KLHL20: variants seen among roughly 807,000 people sequenced by gnomAD.
KLHL20 encodes the protein kelch like family member 20, also known as kelch-like protein 20.
In KLHL20, 29 loss-of-function variants were observed where a neutral mutation model predicts 69.5. The ratio of observed to expected loss-of-function variants is 0.42; its 90% CI spans 0.31 to 0.57. The LOEUF (loss-of-function observed/expected upper bound fraction) is 0.57. Among genes scored for constraint, KLHL20 ranks in the 20% least tolerant of loss-of-function variants. The pLI is 0.18. For synonymous variants in KLHL20, 253 were observed against 265.2 expected (o/e 0.95, Z 0.45); for missense variants, 419 against 776.0 (o/e 0.54, Z 5.47).
At chr1:173,752,154 T>A (rs562442679) in intron 4 of KLHL20, among the ~76,000 whole-genome samples, 1 of 150,706 alleles carries the variant, frequency 6.6e-6, no homozygotes, top group African/African-American at 2.4e-5. Context: ...GAGAATCACT[T>A]GAAACCAGGA....
chr1:173,753,172 A>C, intron 4 of KLHL20, 41 bp from the exon 5 acceptor site: 1 of 1,519,632 alleles, frequency 6.6e-7, no homozygotes, highest in Non-Finnish European at 9.1e-7. Context: ...GACCTATCTC[A>C]AAATTAATTA....
At chr1:173,736,307 C>T (rs1014250660) in intron 3 of KLHL20, among the ~76,000 whole-genome samples, 1 of 151,882 alleles carries the variant, frequency 6.6e-6, no homozygotes, top group African/African-American at 2.4e-5. Context: ...ATATACATAC[C>T]ACATTTTCTT....
rs1671402515 is a variant in KLHL20, at chr1:173,715,030, G to A, written c.-90G>A. 2 of 153,024 alleles carry A rather than the reference G, an allele frequency of 1.3e-5. No homozygotes were observed. Among genetic ancestry groups the A allele is most frequent in the Non-Finnish European group, 2.9e-5 (2 of 68,686 alleles). The allele number at this position is 153,024 out of a possible 1,614,324, so 9.5% of individuals were successfully genotyped here. On this transcript the variant is annotated 5_prime_UTR_variant, in exon 1 of 12. Transcript: ENST00000209884. ...GAGGAGGAGGCAGAGAGGAGTGGAG[G>A]GCGGAGTAGACGGAGGAGGCTGCTG...
At chr1:173,718,463 T>G (rs1011839474) in intron 2 of KLHL20, among the ~76,000 whole-genome samples, 3 of 151,538 alleles carry the variant, frequency 2.0e-5, no homozygotes, top group Admixed American at 1.3e-4. Flanking sequence ...GAGGATCACT[T>G]GAGTCTGGGA....
intron 7 of KLHL20, among the ~76,000 whole-genome samples, chr1:173,765,516 AT>A (rs1332489630): frequency 6.6e-6 from 1 of 152,020 alleles, no homozygotes; most frequent in Admixed American, 6.5e-5. Context: ...AAAAAAAAAA[AT>A]TAAGCATACT....
intron 3 of KLHL20, among the ~76,000 whole-genome samples, chr1:173,746,162 T>C (rs1353253046): frequency 6.6e-6 from 1 of 152,196 alleles, no homozygotes; most frequent in Admixed American, 6.5e-5. Context: ...CATACACCTT[T>C]TGATTATGGT....
rs770721294 is a variant in KLHL20 at position 173,785,984 on chromosome 1, TAA to T, written c.*738_*739del. 5.3e-5 allele frequency: 8 copies of T among 152,198 alleles called. No individual in the cohort carries two copies. The highest frequency in any genetic ancestry group is 1.9e-4 in the African/African-American group (8 of 41,452). 9.4% of individuals were successfully genotyped at this position (152,198 alleles called of 1,614,324 possible). ...CAGTGCCTCTTATAAAAACAATATA[TAA>T]GTCTCATATGCTGTCTTGAGAATCC... On this transcript the variant is annotated 3_prime_UTR_variant, in exon 12 of 12. Transcript: ENST00000209884.
chr1:173,745,000 T>C (rs1338291147), intron 3 of KLHL20, among the ~76,000 whole-genome samples: 1 of 152,080 alleles, frequency 6.6e-6, no homozygotes, highest in African/African-American at 2.4e-5. Flanking sequence ...AATAACTTGT[T>C]GGCATATTTA....
At chr1:173,760,092 A>C (rs545269898) in intron 7 of KLHL20, among the ~76,000 whole-genome samples, 1 of 152,296 alleles carries the variant, frequency 6.6e-6, no homozygotes, top group South Asian at 2.1e-4. Context: ...AGTCTCAGTA[A>C]TAGATATGAA....
chr1:173,759,094 C>T (rs1459014332), intron 7 of KLHL20, among the ~76,000 whole-genome samples: 1 of 152,070 alleles, frequency 6.6e-6, no homozygotes, highest in Non-Finnish European at 1.5e-5. Context: ...CTGAGTGAGG[C>T]CTGTGACTGC....
intron 10 of KLHL20, among the ~76,000 whole-genome samples, chr1:173,778,337 G>A (rs1257506663): frequency 2.0e-5 from 3 of 146,792 alleles, no homozygotes; most frequent in African/African-American, 7.6e-5. Flanking sequence ...TTACTTTTTT[G>A]TTTTGTTTTG....
intron 11 of KLHL20, among the ~76,000 whole-genome samples, chr1:173,784,193 C>G (rs554942538): frequency 6.6e-6 from 1 of 152,112 alleles, no homozygotes; most frequent in Non-Finnish European, 1.5e-5. Flanking sequence ...AATATCAAAG[C>G]AGGGGAGGGG....
intron 8 of KLHL20, among the ~76,000 whole-genome samples, chr1:173,771,100 C>T (rs1226789237): frequency 6.6e-6 from 1 of 152,134 alleles, no homozygotes; most frequent in South Asian, 2.1e-4. Context: ...TCAAGAAAAA[C>T]GTGAGCCAAG....
chr1:173,720,454 G>A (rs555385915), intron 2 of KLHL20, among the ~76,000 whole-genome samples: 2 of 152,198 alleles, frequency 1.3e-5, no homozygotes, highest in Admixed American at 1.3e-4. Flanking sequence ...TGGAAATTGA[G>A]GCTACAACAG....
chr1:173,782,523 A>T (rs1186476308), intron 11 of KLHL20, among the ~76,000 whole-genome samples: 1 of 152,200 alleles, frequency 6.6e-6, no homozygotes, highest in African/African-American at 2.4e-5. Context: ...AGCACCGAGA[A>T]ATAAAATGAC....
At chr1:173,725,213 C>T (rs903794265) in intron 2 of KLHL20, among the ~76,000 whole-genome samples, 8 of 152,190 alleles carry the variant, frequency 5.3e-5, no homozygotes, top group African/African-American at 1.9e-4. Flanking sequence ...AAACTCTTCC[C>T]TCTCCTTGCC....
chr1:173,735,722 C>G (rs1490746148), intron 3 of KLHL20, among the ~76,000 whole-genome samples: 1 of 151,934 alleles, frequency 6.6e-6, no homozygotes, highest in African/African-American at 2.4e-5. Flanking sequence ...TACACCGTAC[C>G]CAATGTGTAG....
At chr1:173,780,436 T>C (rs6678061) in intron 10 of KLHL20, among the ~76,000 whole-genome samples, 2,095 of 152,252 alleles carry the variant, frequency 0.014, 48 homozygotes, top group African/African-American at 0.046. Flanking sequence ...GACAGTCACA[T>C]GTAAGCTAGC....
intron 7 of KLHL20, among the ~76,000 whole-genome samples, chr1:173,761,348 G>T (rs1338275751): frequency 1.3e-5 from 2 of 152,002 alleles, no homozygotes; most frequent in Non-Finnish European, 2.9e-5. Context: ...ATTCAACAAA[G>T]AAACAATGGA....
Sources: gnomAD v4.1 joint callset for allele counts (sites outside exome capture counted in the v4.1 genomes callset) on GRCh38, gnomAD v4.1.1 for gene constraint, MANE v1.5 for transcripts, NCBI Gene and HGNC (gene_info 2026-07-23, HGNC 2026-07-21) for gene names.